RAB21: variants seen among roughly 807,000 people sequenced by gnomAD.
The protein encoded by RAB21 is RAB21, member RAS oncogene family.
A neutral mutation model predicts 33.1 loss-of-function variants in RAB21; 13 were observed. The observed-to-expected ratio is 0.39, with a 90% CI of 0.26 to 0.62. The LOEUF (loss-of-function observed/expected upper bound fraction) is 0.62. Among genes scored for constraint, RAB21 ranks in the 20% least tolerant of loss-of-function variants. RAB21 has a pLI of 0.48. For synonymous variants in RAB21, 91 were observed against 103.7 expected (o/e 0.88, Z 0.74); for missense variants, 234 against 279.1 (o/e 0.84, Z 1.15).
Position 71,755,112 on chromosome 12 carries a change from C to A in RAB21, c.-18C>A. The stretch of plus-strand genomic sequence containing the variant: ...GGGCGGCGCGACACTCGGGCTCGGG[C>A]GGCCGGGAAGCGACGGGATGGCTGC... On this transcript the variant is annotated 5_prime_UTR_variant, in exon 1 of 7. Transcript: ENST00000261263. 8.7e-7 allele frequency: 1 copy of A among 1,150,276 alleles called. No individual in the cohort carries two copies. Among genetic ancestry groups the A allele is most frequent in the Middle Eastern group, 3.4e-4 (1 of 2,930 alleles). 71.3% of individuals were successfully genotyped at this position (1,150,276 alleles called of 1,614,324 possible). A position where few individuals can be genotyped will look rare whatever the true frequency, so the allele number is the denominator to read the frequency against.
intron 4 of RAB21, among the ~76,000 whole-genome samples, chr12:71,778,813 CTAAGT>C (rs1883156752): frequency 6.6e-6 from 1 of 152,110 alleles, no homozygotes; most frequent in African/African-American, 2.4e-5. Flanking sequence ...GTTGGATAAA[CTAAGT>C]TAGCTAGATG....
chr12:71,758,080 TGGAG>T (rs1454692431), intron 1 of RAB21, among the ~76,000 whole-genome samples: 1 of 152,088 alleles, frequency 6.6e-6, no homozygotes, highest in Non-Finnish European at 1.5e-5. Context: ...TCACCCAGGC[TGGAG>T]TGGAGGGGTG....
At chr12:71,781,046 G>A (rs545658192) in intron 4 of RAB21, among the ~76,000 whole-genome samples, 6 of 151,948 alleles carry the variant, frequency 3.9e-5, no homozygotes, top group African/African-American at 7.3e-5. Context: ...TTGTTCTGAT[G>A]GCTTTTTTTA....
At chr12:71,765,808 C>T (rs757536772) in intron 1 of RAB21, among the ~76,000 whole-genome samples, 6 of 152,014 alleles carry the variant, frequency 3.9e-5, no homozygotes, top group South Asian at 2.1e-4. Context: ...CATTGGTCTA[C>T]GTGCCTATTT....
chr12:71,761,681 A>C (rs983616488), intron 1 of RAB21, among the ~76,000 whole-genome samples: 1 of 152,212 alleles, frequency 6.6e-6, no homozygotes, highest in African/African-American at 2.4e-5. Flanking sequence ...CCATCTCAAA[A>C]AAATAAAAAT....
chr12:71,783,136 A>C (rs1250419458), intron 6 of RAB21, among the ~76,000 whole-genome samples: 1 of 152,114 alleles, frequency 6.6e-6, no homozygotes, highest in Non-Finnish European at 1.5e-5. Context: ...TTATCTTTTA[A>C]AGACACATTA....
rs78530147 is a variant in RAB21 at position 71,782,908 on chromosome 12, T to C, written c.535+250T>C. ...GGTGTGGGCTAAATATATATTATAA[T>C]ATATGCATAAGTATTAAAAGTGGAA... On this transcript the variant is annotated intron_variant, in intron 6 of 6. Coordinates refer to ENST00000261263, the MANE Select transcript of RAB21 (RefSeq NM_014999.4). Among the ~76,000 whole-genome samples, 1,330 of 152,154 alleles carry C rather than the reference T, an allele frequency of 8.7e-3. 9 individuals are homozygous for C. Among genetic ancestry groups the C allele is most frequent in the African/African-American group, 0.024 (1,008 of 41,526 alleles).
intron 1 of RAB21, among the ~76,000 whole-genome samples, chr12:71,764,835 A>ATAT (rs1252200389): frequency 6.6e-6 from 1 of 152,224 alleles, no homozygotes; most frequent in East Asian, 1.9e-4. Context: ...TATATACCGC[A>ATAT]TATTCTTTAT....
At chr12:71,759,091 T>C (rs909319571) in intron 1 of RAB21, among the ~76,000 whole-genome samples, 8 of 152,248 alleles carry the variant, frequency 5.3e-5, no homozygotes, top group Non-Finnish European at 7.3e-5. Context: ...TTTGGTATTG[T>C]AGTTAAGCTT....
In RAB21 at chr12:71,794,421, ATATATATTTTTTTTTTT is replaced by A. The variant is rs1883433515; in HGVS notation, c.*8750_*8766del. The A allele has an allele frequency of 1.9e-5, 1 of 53,122 alleles. No individual in the cohort carries two copies. The highest frequency in any genetic ancestry group is 3.2e-5 in the Non-Finnish European group (1 of 31,688). The allele number at this position is 53,122 out of a possible 1,614,324, so 3.3% of individuals were successfully genotyped here. ...ATATATATATTATATATATATATAT[ATATATATTTTTTTTTTT>A]TTTTTTTTTTTTTTTTTTGAGACGG... On this transcript the variant is annotated 3_prime_UTR_variant, in exon 7 of 7. Transcript: ENST00000261263.
rs144206035 is a variant in RAB21, at chr12:71,780,329, A to G, written c.392-1702A>G. Among the ~76,000 whole-genome samples the G allele has an allele frequency of 6.2e-3, 943 of 152,310 alleles. 6 individuals carry two copies. Among genetic ancestry groups the G allele is most frequent in the Non-Finnish European group, 9.7e-3 (657 of 68,024 alleles). On this transcript the variant is annotated intron_variant, in intron 4 of 6. Transcript: ENST00000261263. ...TAATTGAAGCAAAATTAATATTGCT[A>G]CTTTTAGTAGGAGACTATCTTATTT...
At chr12:71,770,752 T>G in intron 3 of RAB21, 53 bp downstream of exon 3, 4 of 1,206,210 alleles carry the variant, frequency 3.3e-6, no homozygotes, top group Non-Finnish European at 4.8e-6. Context: ...TTTTTCAAGT[T>G]TCCATTAATA....
At chr12:71,774,141 A>C (rs776080606) in intron 4 of RAB21, 119 bp downstream of exon 4, 2 of 617,650 alleles carry the variant, frequency 3.2e-6, no homozygotes, top group East Asian at 3.4e-5. Context: ...ATTAATATAA[A>C]TATTTTAGAA....
In RAB21 at chr12:71,793,683, T is replaced by A. The variant is rs1883419196; in HGVS notation, c.*8010T>A. On this transcript the variant is annotated 3_prime_UTR_variant, in exon 7 of 7. Coordinates refer to ENST00000261263, the MANE Select transcript of RAB21 (RefSeq NM_014999.4). Reference sequence around the variant, plus strand: ...TAGAGGATGTGAGAGGAGTAATTCATCCCCATCAAAAGATTTTAGCCAAAA... The same window carrying A: ...TAGAGGATGTGAGAGGAGTAATTCAACCCCATCAAAAGATTTTAGCCAAAA... The A allele has an allele frequency of 6.6e-6, 1 of 152,188 alleles. No homozygotes were observed. Among genetic ancestry groups the A allele is most frequent in the Non-Finnish European group, 1.5e-5 (1 of 68,022 alleles). The allele number at this position is 152,188 out of a possible 1,614,324, so 9.4% of individuals were successfully genotyped here. A position where few individuals can be genotyped will look rare whatever the true frequency, so the allele number is the denominator to read the frequency against.
At chr12:71,763,630 A>G (rs1338149629) in intron 1 of RAB21, among the ~76,000 whole-genome samples, 2 of 152,316 alleles carry the variant, frequency 1.3e-5, no homozygotes, top group African/African-American at 2.4e-5. Context: ...TAATATCACT[A>G]AAGCATAGAA....
intron 1 of RAB21, 56 bp downstream of exon 1, chr12:71,755,344 TG>T: frequency 7.0e-7 from 1 of 1,427,304 alleles, no homozygotes; most frequent in Non-Finnish European, 9.1e-7. Flanking sequence ...CCTCCGGGGC[TG>T]GGGAAACTTT....
At chr12:71,770,811 A>G in intron 3 of RAB21, 112 bp downstream of exon 3, 1 of 724,134 alleles carries the variant, frequency 1.4e-6, no homozygotes, top group Non-Finnish European at 2.2e-6. Context: ...AATAAAGTAT[A>G]TAATTTGTGC....
chr12:71,773,517 TTCTTTG>T (rs910424212), intron 3 of RAB21, among the ~76,000 whole-genome samples: 7 of 152,238 alleles, frequency 4.6e-5, no homozygotes, highest in African/African-American at 1.7e-4. Context: ...ACATTTTTTT[TTCTTTG>T]TCTTTAAGTG....
In RAB21 at chr12:71,795,472, T is replaced by C. The variant is rs1883455664; in HGVS notation, c.*9799T>C. On this transcript the variant is annotated 3_prime_UTR_variant, in exon 7 of 7. Transcript: ENST00000261263. ...TTAGGGAAGACTATGACTGTTTCTA[T>C]GACCTCTAGTCACAAATTTAACTAA... is the stretch of plus-strand genomic sequence containing the variant. 1.0e-5 allele frequency: 1 copy of C among 97,964 alleles called. No individual in the cohort carries two copies. The highest frequency in any genetic ancestry group is 4.4e-4 in the South Asian group (1 of 2,284). 6.1% of individuals were successfully genotyped at this position (97,964 alleles called of 1,614,324 possible). A position where few individuals can be genotyped will look rare whatever the true frequency, so the allele number is the denominator to read the frequency against.
Sources: gnomAD v4.1 joint callset for allele counts (sites outside exome capture counted in the v4.1 genomes callset) on GRCh38, gnomAD v4.1.1 for gene constraint, MANE v1.5 for transcripts, NCBI Gene and HGNC (gene_info 2026-07-23, HGNC 2026-07-21) for gene names.